The following ARSF variants were observed in gnomAD, a reference collection of about 807,000 sequenced individuals.
ARSF encodes the protein arylsulfatase F.
In ARSF, 33 loss-of-function variants were observed where a neutral mutation model predicts 35.4. The observed-to-expected ratio is 0.93, with a 90% CI of 0.71 to 1.25. The LOEUF (loss-of-function observed/expected upper bound fraction) is 1.25, where lower values mean the gene tolerates loss of function less well. Ranked by LOEUF, ARSF falls within the 50% of genes most tolerant of loss-of-function variation. The probability of loss-of-function intolerance (pLI) is 0.00; values close to 1 mark genes in which losing one functional copy is unlikely to be tolerated. For synonymous variants in ARSF, 222 were observed against 193.1 expected, an observed-to-expected ratio of 1.15 and a Z score of -1.24; for missense variants, 501 against 480.2, an observed-to-expected ratio of 1.04 and a Z score of -0.40.
intron 2 of ARSF, 97 bp downstream of exon 2, chrX:3,068,208 TCA>T (rs2090079917): frequency 1.2e-6 from 1 of 820,082 alleles, no homozygotes; most frequent in Non-Finnish European, 1.7e-6. Flanking sequence ...GCATTTAATA[TCA>T]TCTGCCTTTT....
In ARSF at chrX:3,085,399, G is replaced by A. The variant is rs2090240674; in HGVS notation, c.830+733G>A. ...TCTGGAAATCAGATGAAAAAAGTAA[G>A]TTTTCCATTGCATTATGTTCCTGTT... On this transcript the variant is annotated intron_variant, in intron 6 of 10. Coordinates refer to ENST00000381127, the MANE Select transcript of ARSF (RefSeq NM_001201539.2). Among the ~76,000 whole-genome samples, 3 of 106,117 alleles carry A rather than the reference G, an allele frequency of 2.8e-5. No homozygotes were observed. In the Admixed American group the frequency reaches 3.1e-4, roughly 11 times the overall value. 92.1% of individuals were successfully genotyped at this position (106,117 alleles called of 115,157 possible). A position where few individuals can be genotyped will look rare whatever the true frequency, so the allele number is the denominator to read the frequency against.
At position 3,060,785 on chromosome X, in the gene ARSF, A is replaced by G. The variant is rs544977875; in HGVS notation, c.-28-7288A>G. Among the ~76,000 whole-genome samples, 48 of 111,651 alleles carry G rather than the reference A, an allele frequency of 4.3e-4. 1 individual carries two copies. Among genetic ancestry groups the G allele is most frequent in the East Asian group, 2.8e-3 (10 of 3,543 alleles). On this transcript the variant is annotated intron_variant, in intron 1 of 10. Transcript: ENST00000381127. ...GAGAAAAAAGAGTAAAAAGAAATGA[A>G]CAAAGCCTCCAAGAGATATGGGACT...
intron 7 of ARSF, among the ~76,000 whole-genome samples, chrX:3,094,713 G>T (rs1328908727): frequency 9.0e-6 from 1 of 110,992 alleles, no homozygotes. Flanking sequence ...CCCAGGGCAG[G>T]CCTGTCTGTG....
At chrX:3,061,152 AT>A (rs2090040052) in intron 1 of ARSF, among the ~76,000 whole-genome samples, 1 of 111,831 alleles carries the variant, frequency 8.9e-6, no homozygotes, top group Admixed American at 9.5e-5. Context: ...AATGTTCAAC[AT>A]TCTTAAAGAA....
At chrX:3,062,976 C>T (rs1286420131) in intron 1 of ARSF, among the ~76,000 whole-genome samples, 1 of 111,653 alleles carries the variant, frequency 9.0e-6, no homozygotes, top group Non-Finnish European at 1.9e-5. Context: ...CATCCTGATA[C>T]CAAAGCCTGG....
At chrX:3,062,492 CA>C (rs748969422) in intron 1 of ARSF, among the ~76,000 whole-genome samples, 2 of 110,784 alleles carry the variant, frequency 1.8e-5, no homozygotes, top group South Asian at 3.8e-4. Flanking sequence ...AAAAACCCTT[CA>C]AAAAAATCAA....
intron 1 of ARSF, among the ~76,000 whole-genome samples, chrX:3,058,872 GA>G (rs1428972756): frequency 1.8e-5 from 2 of 110,606 alleles, no homozygotes; most frequent in Admixed American, 1.9e-4. Context: ...AAAAGAAAAA[GA>G]AAAAAAGAGA....
rs1006172488 is a variant in ARSF at position 3,084,275 on chromosome X, C to T, written c.439C>T (p.Arg147Ter). The T allele has an allele frequency of 6.2e-5, 75 of 1,209,673 alleles. No homozygotes were observed. The highest frequency in any genetic ancestry group is 1.5e-4 in the East Asian group (5 of 33,783). ...KWHQGLNCDS[R>*]SDQCHHPYNY... ...GCACCAAGGCTTGAACTGCGACTCC[C>T]GAAGTGACCAGTGCCACCATCCATA... Residue 147 changes from arginine to a stop codon, truncating the protein, a stop_gained, in exon 6 of 11, where the codon CGA (arginine) becomes TGA (stop). Transcript: ENST00000381127. LOFTEE classifies it high-confidence loss of function.
At chrX:3,104,059 A>T in intron 9 of ARSF, 135 bp downstream of exon 9, 1 of 610,204 alleles carries the variant, frequency 1.6e-6, no homozygotes, top group Non-Finnish European at 2.5e-6. Flanking sequence ...ACCTTCCTAT[A>T]TGACTGTGTC....
At position 3,076,221 on chromosome X, in the gene ARSF, ATC is replaced by A. The variant is rs1181729608; in HGVS notation, c.162-319_162-318del. Among the ~76,000 whole-genome samples, 4 of 81,029 alleles carry A rather than the reference ATC, an allele frequency of 4.9e-5. No individual in the cohort carries two copies. In the South Asian group the frequency reaches 1.8e-3, roughly 37 times the overall value. The allele number at this position is 81,029 out of a possible 115,157, so 70.4% of individuals were successfully genotyped here. A position where few individuals can be genotyped will look rare whatever the true frequency, so the allele number is the denominator to read the frequency against. Reference sequence around the variant, plus strand: ...TTTTTCTGTTTGTCTCTCTCTTTCCATCTCTCTCTGTTTCTCTCTGTGTGTCT... The same window carrying A: ...TTTTTCTGTTTGTCTCTCTCTTTCCATCTCTCTGTTTCTCTCTGTGTGTCT... On this transcript the variant is annotated intron_variant, in intron 3 of 10. Transcript: ENST00000381127.
rs764672958 is a variant in ARSF, at chrX:3,078,145, C to A, written c.283+1476C>A. Reference sequence around the variant, plus strand: ...TAAAACAAAAATGAAATGAGAAGAACGAAATTATCGTAAGCTCTAGTTGTC... The same window carrying A: ...TAAAACAAAAATGAAATGAGAAGAAAGAAATTATCGTAAGCTCTAGTTGTC... On this transcript the variant is annotated intron_variant, in intron 4 of 10. Transcript: ENST00000381127. 5.5e-5 allele frequency among the ~76,000 whole-genome samples: 6 copies of A among 109,994 alleles called. No homozygotes were observed. The South Asian group carries it at 2.4e-3, about 44-fold the overall frequency.
chrX:3,111,045 A>G (rs1023004005), intron 10 of ARSF, among the ~76,000 whole-genome samples: 1 of 112,259 alleles, frequency 8.9e-6, no homozygotes. Context: ...ACGTGTGGGC[A>G]AAAAGAAGCC....
chrX:3,102,270 T>C (rs773572438), intron 8 of ARSF, among the ~76,000 whole-genome samples: 2 of 111,796 alleles, frequency 1.8e-5, no homozygotes, highest in South Asian at 7.5e-4. Context: ...AGTATTTTTT[T>C]CCTCAGCCTA....
At chrX:3,082,430 T>C in intron 5 of ARSF, among the ~76,000 whole-genome samples, 1 of 111,872 alleles carries the variant, frequency 8.9e-6, no homozygotes, top group Non-Finnish European at 1.9e-5. Context: ...CAATCCATCA[T>C]CTATCATTTA....
At chrX:3,064,427 G>T (rs185108928) in intron 1 of ARSF, among the ~76,000 whole-genome samples, 810 of 111,721 alleles carry the variant, frequency 7.3e-3, no homozygotes, top group Middle Eastern at 0.014. Context: ...AAAAGCAATG[G>T]CAACAAAAGC....
At chrX:3,058,700 A>G (rs1012895481) in intron 1 of ARSF, 1 of 293,306 alleles carries the variant, frequency 3.4e-6, no homozygotes, top group Non-Finnish European at 6.6e-6. Flanking sequence ...AAAAAAATAG[A>G]AAATAAAGAA....
intron 7 of ARSF, among the ~76,000 whole-genome samples, chrX:3,092,116 T>C (rs1220377131): frequency 1.8e-5 from 2 of 110,136 alleles, no homozygotes; most frequent in African/African-American, 3.3e-5. Context: ...ATAAGATAGA[T>C]AGATGATAGG....
At chrX:3,092,022 T>C (rs1423313588) in intron 7 of ARSF, among the ~76,000 whole-genome samples, 1 of 110,960 alleles carries the variant, frequency 9.0e-6, no homozygotes, top group Non-Finnish European at 1.9e-5. Flanking sequence ...AACAGATATA[T>C]AGATGATAGA....
intron 10 of ARSF, among the ~76,000 whole-genome samples, chrX:3,111,032 T>C (rs1477889611): frequency 8.9e-6 from 1 of 112,253 alleles, no homozygotes; most frequent in Non-Finnish European, 1.9e-5. Flanking sequence ...ATATTTAGCA[T>C]TGACGTGTGG....
Sources: allele counts gnomAD v4.1 joint callset (sites outside exome capture counted in the v4.1 genomes callset), GRCh38; gene constraint gnomAD v4.1.1; transcripts MANE v1.5; gene names NCBI Gene and HGNC (gene_info 2026-07-23, HGNC 2026-07-21).